The following PCNX2 variants were observed in gnomAD, a reference collection of about 807,000 sequenced individuals.
The protein encoded by PCNX2 is pecanex 2.
In PCNX2, 168 loss-of-function variants were observed where a neutral mutation model predicts 223.8. The ratio of observed to expected loss-of-function variants is 0.75; its 90% CI spans 0.66 to 0.85. PCNX2 has a LOEUF of 0.85. Ranked by LOEUF, PCNX2 falls within the 40% of genes least tolerant of loss-of-function variation. The pLI, the probability that PCNX2 is intolerant of heterozygous loss-of-function variation, is 0.00. For synonymous variants in PCNX2, 1,006 were observed against 1,052.6 expected (o/e 0.96, Z 0.86); for missense variants, 2,507 against 2,675.5 (o/e 0.94, Z 1.39).
chr1:233,020,804 A>G (rs575369860), intron 26 of PCNX2, among the ~76,000 whole-genome samples: 4 of 152,224 alleles, frequency 2.6e-5, no homozygotes, highest in Non-Finnish European at 5.9e-5. Context: ...AGTCGCCAGG[A>G]AGGAAATGAT....
chr1:233,161,179 A>T, intron 18 of PCNX2, 92 bp downstream of exon 18: 1 of 1,178,160 alleles, frequency 8.5e-7, no homozygotes, highest in Non-Finnish European at 1.2e-6. Flanking sequence ...TCTCTGGCTC[A>T]CGTGTCTTGT....
intron 18 of PCNX2, 112 bp downstream of exon 18, chr1:233,161,159 T>C (rs968766412): frequency 2.2e-6 from 2 of 912,718 alleles, no homozygotes; most frequent in African/African-American, 3.3e-5. Context: ...AGCGGGCATT[T>C]TGTTTTCTTT....
intron 19 of PCNX2, among the ~76,000 whole-genome samples, chr1:233,143,393 A>G (rs181570434): frequency 6.6e-6 from 1 of 152,352 alleles, no homozygotes. Flanking sequence ...ATGGAGCCAG[A>G]CATTCTACAT....
At chr1:233,037,548 G>A (rs1295446205) in intron 25 of PCNX2, among the ~76,000 whole-genome samples, 1 of 146,324 alleles carries the variant, frequency 6.8e-6, no homozygotes, top group African/African-American at 2.5e-5. Context: ...GTTTCACTAT[G>A]TTGCCCAGGC....
At chr1:233,306,592 G>A in the PCNX2 span, among the ~76,000 whole-genome samples, 3 of 152,150 alleles carry the variant, frequency 2.0e-5, no homozygotes, top group African/African-American at 7.2e-5. Flanking sequence ...TTATTGGATT[G>A]GGAAATATAC....
intron 19 of PCNX2, among the ~76,000 whole-genome samples, chr1:233,141,723 G>A (rs1677128952): frequency 9.8e-6 from 1 of 102,182 alleles, no homozygotes; most frequent in Non-Finnish European, 1.8e-5. Flanking sequence ...ATATCTGTGT[G>A]TGTAAATGTG....
chr1:233,076,557 T>A (rs1432042558), intron 23 of PCNX2, among the ~76,000 whole-genome samples: 1 of 152,198 alleles, frequency 6.6e-6, no homozygotes, highest in Non-Finnish European at 1.5e-5. Flanking sequence ...GTTAATAAAA[T>A]CACACAGCAA....
At chr1:233,070,549 T>G (rs1250895620) in intron 23 of PCNX2, among the ~76,000 whole-genome samples, 1 of 152,094 alleles carries the variant, frequency 6.6e-6, no homozygotes, top group East Asian at 1.9e-4. Context: ...GATGCAAGAC[T>G]GGTTCAATGC....
In PCNX2 at chr1:233,295,251, T is replaced by C. The variant is rs1662010433; in HGVS notation, c.153+75A>G. ...CGAACCCGAAAGCCCGTGAGGCTGA[T>C]GGCACGTCTGTGGTTCCTTTCTCCT... On this transcript the variant is annotated intron_variant, in intron 1 of 33. Transcript: ENST00000258229. This position sits in a 1 kb window ranked among gnomAD's most constrained non-coding sequence, Gnocchi z 4.1. The C allele has an allele frequency of 1.7e-5, 27 of 1,542,910 alleles. No individual in the cohort carries two copies. Among genetic ancestry groups the C allele is most frequent in the Non-Finnish European group, 2.2e-5 (25 of 1,139,804 alleles).
the PCNX2 span, among the ~76,000 whole-genome samples, chr1:233,317,163 C>A: frequency 6.6e-6 from 1 of 152,160 alleles, no homozygotes; most frequent in Admixed American, 6.5e-5. Flanking sequence ...CCTGTAATCC[C>A]AGCACTTTGG....
At chr1:233,065,236 T>G (rs1672552287) in intron 23 of PCNX2, among the ~76,000 whole-genome samples, 1 of 152,206 alleles carries the variant, frequency 6.6e-6, no homozygotes, top group African/African-American at 2.4e-5. Flanking sequence ...TAAACATACA[T>G]GTGTGCTCAC....
chr1:233,220,570 C>A (rs1269898943), intron 10 of PCNX2, among the ~76,000 whole-genome samples: 1 of 152,012 alleles, frequency 6.6e-6, no homozygotes, highest in African/African-American at 2.4e-5. Flanking sequence ...GCTTATTTGT[C>A]ATCTGTATAT....
At chr1:233,255,100 A>G (rs1250108413) in intron 5 of PCNX2, among the ~76,000 whole-genome samples, 4 of 152,188 alleles carry the variant, frequency 2.6e-5, no homozygotes, top group Non-Finnish European at 5.9e-5. Context: ...CAGGAAGCCA[A>G]TATACTATGC....
intron 9 of PCNX2, among the ~76,000 whole-genome samples, chr1:233,234,081 G>A (rs1658238776): frequency 6.6e-6 from 1 of 152,046 alleles, no homozygotes; most frequent in South Asian, 2.1e-4. Flanking sequence ...GAGTTGAATT[G>A]GTTGACTGGC....
chr1:232,984,743 G>C lies in PCNX2; in HGVS notation c.6241-266C>G. Reference sequence around the variant, plus strand: ...TGCGCTGGAAAGAGCGGCCCTGGGGGGAAGGGGCATTTGTGCGCCTGGCTT... The same window carrying C: ...TGCGCTGGAAAGAGCGGCCCTGGGGCGAAGGGGCATTTGTGCGCCTGGCTT... On this transcript the variant is annotated intron_variant, in intron 33 of 33. Transcript: ENST00000258229. The C allele has an allele frequency of 1.3e-5, 5 of 382,818 alleles. No homozygotes were observed. The South Asian group carries it at 2.3e-4, about 17-fold the overall frequency. 23.7% of individuals were successfully genotyped at this position (382,818 alleles called of 1,614,324 possible). A position where few individuals can be genotyped will look rare whatever the true frequency, so the allele number is the denominator to read the frequency against.
At position 233,219,238 on chromosome 1, in the gene PCNX2, C is replaced by A. The variant is rs77310195; in HGVS notation, c.2505-1054G>T. Among the ~76,000 whole-genome samples, 714 of 151,734 alleles carry A rather than the reference C, an allele frequency of 4.7e-3. 4 individuals carry two copies. Among genetic ancestry groups the A allele is most frequent in the African/African-American group, 0.017 (685 of 41,108 alleles). On this transcript the variant is annotated intron_variant, in intron 10 of 33. Coordinates refer to ENST00000258229, the MANE Select transcript of PCNX2 (RefSeq NM_014801.4). ...AGAATAGGGAGGAAACTGAAGATGG[C>A]AAGGGCTGCAAGGTAAGAGAAATAT...
intron 19 of PCNX2, among the ~76,000 whole-genome samples, chr1:233,142,369 GC>G (rs1677181326): frequency 1.3e-5 from 2 of 152,170 alleles, no homozygotes; most frequent in Admixed American, 1.3e-4. Context: ...AGGTACAAAT[GC>G]CCTCCAACTA....
At chr1:233,097,899 A>G (rs1674270674) in intron 21 of PCNX2, among the ~76,000 whole-genome samples, 1 of 152,174 alleles carries the variant, frequency 6.6e-6, no homozygotes, top group Non-Finnish European at 1.5e-5. Context: ...TGCCCAAGAG[A>G]AGACATGACT....
chr1:233,221,793 C>A, intron 10 of PCNX2, among the ~76,000 whole-genome samples: 1 of 152,108 alleles, frequency 6.6e-6, no homozygotes, highest in Non-Finnish European at 1.5e-5. Context: ...CAACGAAGGA[C>A]TGATTGAAAG....
Sources: allele counts gnomAD v4.1 joint callset (sites outside exome capture counted in the v4.1 genomes callset), GRCh38; gene constraint gnomAD v4.1.1; non-coding constraint Gnocchi (gnomAD v3.1); transcripts MANE v1.5; gene names NCBI Gene and HGNC (gene_info 2026-07-23, HGNC 2026-07-21).